The following CFAP95 variants were observed in gnomAD, a reference collection of about 807,000 sequenced individuals.
CFAP95 encodes the protein cilia and flagella associated protein 95.
At chr9:69,841,896 G>T in the CFAP95 span, among the ~76,000 whole-genome samples, 1 of 152,166 alleles carries the variant, frequency 6.6e-6, no homozygotes, top group Non-Finnish European at 1.5e-5. Context: ...ACCTCCCACA[G>T]GGTGTCTCCC....
the CFAP95 span, among the ~76,000 whole-genome samples, chr9:69,853,061 C>T: frequency 1.3e-5 from 2 of 152,180 alleles, no homozygotes; most frequent in Non-Finnish European, 2.9e-5. Context: ...GACCAATACA[C>T]CTTCCTTCAC....
the CFAP95 span, among the ~76,000 whole-genome samples, chr9:69,870,108 T>C: frequency 1.3e-5 from 2 of 152,206 alleles, no homozygotes; most frequent in Non-Finnish European, 2.9e-5. Flanking sequence ...CATATAAATC[T>C]TATATTGTCC....
chr9:69,868,450 G>A, the CFAP95 span, among the ~76,000 whole-genome samples: 1 of 152,242 alleles, frequency 6.6e-6, no homozygotes, highest in Non-Finnish European at 1.5e-5. Flanking sequence ...TTGAGGCCAA[G>A]AGTATGAGAT....
the CFAP95 span, among the ~76,000 whole-genome samples, chr9:69,883,432 G>A: frequency 6.6e-6 from 1 of 152,258 alleles, no homozygotes; most frequent in South Asian, 2.1e-4. Context: ...GTTTCTGGTT[G>A]GAGATGTCAT....
At chr9:69,862,603 C>A in the CFAP95 span, among the ~76,000 whole-genome samples, 2 of 151,998 alleles carry the variant, frequency 1.3e-5, no homozygotes, top group South Asian at 2.1e-4. Flanking sequence ...CTCAGTGGAC[C>A]AAAATATGCT....
At chr9:69,860,353 G>T in the CFAP95 span, among the ~76,000 whole-genome samples, 1 of 151,922 alleles carries the variant, frequency 6.6e-6, no homozygotes, top group African/African-American at 2.4e-5. Context: ...AGGGGAGGAG[G>T]TGCCAGGGTC....
chr9:69,835,047 T>C, the CFAP95 span, among the ~76,000 whole-genome samples: 2 of 152,210 alleles, frequency 1.3e-5, no homozygotes, highest in African/African-American at 2.4e-5. Context: ...GTTTTATGCT[T>C]CTAATGTGTT....
At chr9:69,887,020 G>T in the CFAP95 span, 2 of 670,198 alleles carry the variant, frequency 3.0e-6, no homozygotes, top group African/African-American at 1.8e-5. Flanking sequence ...CATTTATTTT[G>T]AGATATTAGC....
chr9:69,856,793 T>A, the CFAP95 span: 3 of 556,018 alleles, frequency 5.4e-6, no homozygotes, highest in Non-Finnish European at 9.5e-6. Context: ...AGCACATTTG[T>A]CTCAAGCTTC....
the CFAP95 span, among the ~76,000 whole-genome samples, chr9:69,841,801 C>T: frequency 6.6e-6 from 1 of 152,068 alleles, no homozygotes; most frequent in Non-Finnish European, 1.5e-5. Flanking sequence ...TAGGGGAACT[C>T]TCCTTTATAA....
chr9:69,904,733 C>T, the CFAP95 span, among the ~76,000 whole-genome samples: 17 of 152,130 alleles, frequency 1.1e-4, no homozygotes, highest in Admixed American at 1.0e-3. Context: ...TTTAAAGGAC[C>T]TCTATTTGAC....
chr9:69,826,053 T>G, the CFAP95 span, among the ~76,000 whole-genome samples: 1 of 152,156 alleles, frequency 6.6e-6, no homozygotes, highest in South Asian at 2.1e-4. Context: ...AAGGGAAGAA[T>G]TATGGTGATA....
chr9:69,844,123 A>T, the CFAP95 span, among the ~76,000 whole-genome samples: 1 of 152,304 alleles, frequency 6.6e-6, no homozygotes, highest in East Asian at 1.9e-4. Context: ...TTTGAAAAAA[A>T]TTGTAATTAA....
chr9:69,871,423 G>A, the CFAP95 span, among the ~76,000 whole-genome samples: 2 of 152,018 alleles, frequency 1.3e-5, no homozygotes, highest in Admixed American at 6.6e-5. Flanking sequence ...GCATACGGTA[G>A]GAATAATCAG....
At chr9:69,836,447 C>T in the CFAP95 span, among the ~76,000 whole-genome samples, 1 of 152,126 alleles carries the variant, frequency 6.6e-6, no homozygotes, top group African/African-American at 2.4e-5. Flanking sequence ...ACAATGTCTC[C>T]AGGCATGGCC....
the CFAP95 span, among the ~76,000 whole-genome samples, chr9:69,869,747 A>G: frequency 4.0e-5 from 6 of 151,650 alleles, no homozygotes; most frequent in Admixed American, 3.3e-4. Flanking sequence ...AATAATAAAA[A>G]AAAACCCCAA....
At chr9:69,822,042 T>G in the CFAP95 span, among the ~76,000 whole-genome samples, 3 of 152,198 alleles carry the variant, frequency 2.0e-5, no homozygotes, top group Non-Finnish European at 1.5e-5. Flanking sequence ...CAGTGACCAA[T>G]AGCAACACTG....
chr9:69,898,573 C>T, the CFAP95 span, among the ~76,000 whole-genome samples: 1 of 152,144 alleles, frequency 6.6e-6, no homozygotes, highest in Non-Finnish European at 1.5e-5. Context: ...CCCTTTTGCT[C>T]CTAAATAGTT....
chr9:69,889,983 T>C, the CFAP95 span, among the ~76,000 whole-genome samples: 1 of 152,148 alleles, frequency 6.6e-6, no homozygotes, highest in Non-Finnish European at 1.5e-5. Context: ...GGCCAATGAA[T>C]GTTGAGATTC....
Sources: gnomAD v4.1 joint callset for allele counts (sites outside exome capture counted in the v4.1 genomes callset) on GRCh38, gnomAD v4.1.1 for gene constraint, MANE v1.5 for transcripts, NCBI Gene and HGNC (gene_info 2026-07-23, HGNC 2026-07-21) for gene names.